Variants in RFWD3 observed in about 807,000 individuals in gnomAD.
RFWD3 encodes the protein E3 ubiquitin-protein ligase RFWD3.
Under a neutral mutation model 87.7 loss-of-function variants are expected in RFWD3, and 65 were observed. The observed-to-expected ratio is 0.74, with a 90% CI of 0.61 to 0.91. The LOEUF (loss-of-function observed/expected upper bound fraction) is 0.91. RFWD3 is among the 40% of genes least tolerant of loss of function. RFWD3 has a pLI of 0.00. For missense variants in RFWD3, 1,078 were observed against 938.5 expected (o/e 1.15, Z -1.94); for synonymous variants, 433 against 352.8 (o/e 1.23, Z -2.55).
chr16:74,637,498 G>A (rs955611739), intron 7 of RFWD3, among the ~76,000 whole-genome samples: 4 of 151,974 alleles, frequency 2.6e-5, no homozygotes, highest in African/African-American at 9.7e-5. Context: ...ATGGTGGTGG[G>A]CTCCTGTAAT....
chr16:74,639,724 T>C lies in RFWD3; in HGVS notation c.1080-1754A>G, dbSNP rs1460293941. Among the ~76,000 whole-genome samples the C allele has an allele frequency of 2.0e-5, 3 of 152,236 alleles. No individual in the cohort carries two copies. In the East Asian group the frequency reaches 5.8e-4, roughly 29 times the overall value. ...AACAATGCCAAAAATAGCAAAAAAA[T>C]ACTTTTGCAGAACAAAATGGGGGAA... On this transcript the variant is annotated intron_variant, in intron 6 of 12. Transcript: ENST00000361070.
At chr16:74,641,880 T>A (rs1038593132) in intron 6 of RFWD3, among the ~76,000 whole-genome samples, 2 of 123,680 alleles carry the variant, frequency 1.6e-5, no homozygotes, top group East Asian at 4.6e-4. Flanking sequence ...TGAGCCAAGA[T>A]TGCACCATTG....
chr16:74,629,762 C>G (rs2144051272), intron 10 of RFWD3, among the ~76,000 whole-genome samples: 1 of 151,896 alleles, frequency 6.6e-6, no homozygotes, highest in South Asian at 2.1e-4. Context: ...ATGTTTGGCT[C>G]TCCTTGCTCT....
At chr16:74,656,908 G>T (rs922201150) in intron 2 of RFWD3, among the ~76,000 whole-genome samples, 1 of 152,220 alleles carries the variant, frequency 6.6e-6, no homozygotes, top group African/African-American at 2.4e-5. Context: ...AGTAACTGCA[G>T]ATGTGCTAGA....
In RFWD3 at chr16:74,660,965, C is replaced by T; in HGVS notation, c.485G>A (p.Arg162Lys). The change falls in exon 2 of 13, where the codon AGA becomes AAA. Residue 162 changes from arginine (R) to lysine (K), a missense_variant. Transcript: ENST00000361070. ...GTCTGTCCTCTGAGACCCTCCGGCT[C>T]TTGCCCTCCGTGAAGCAGATACCCT... ...RRRVSASRRARAGGSQRTDSA... is the reference protein window; with the variant it reads ...RRRVSASRRAKAGGSQRTDSA... The T allele has an allele frequency of 6.2e-7, 1 of 1,614,102 alleles. No homozygotes were observed. Among genetic ancestry groups the T allele is most frequent in the Non-Finnish European group, 8.5e-7 (1 of 1,179,964 alleles).
chr16:74,640,916 G>A (rs781526832), intron 6 of RFWD3, among the ~76,000 whole-genome samples: 2 of 152,132 alleles, frequency 1.3e-5, no homozygotes, highest in African/African-American at 2.4e-5. Flanking sequence ...TCCAGCCTGG[G>A]CGACAGAGCG....
At chr16:74,643,453 A>C (rs1959827745) in intron 6 of RFWD3, among the ~76,000 whole-genome samples, 1 of 152,138 alleles carries the variant, frequency 6.6e-6, no homozygotes, top group Non-Finnish European at 1.5e-5. Context: ...CATTAAGTAA[A>C]TCTTGGTACA....
At chr16:74,634,378 T>A (rs1597418900) in intron 8 of RFWD3, among the ~76,000 whole-genome samples, 1 of 147,724 alleles carries the variant, frequency 6.8e-6, no homozygotes, top group East Asian at 2.0e-4. Flanking sequence ...ACTAAGTACT[T>A]TATATATATA....
chr16:74,641,804 T>C (rs989418881), intron 6 of RFWD3, among the ~76,000 whole-genome samples: 1 of 151,382 alleles, frequency 6.6e-6, no homozygotes, highest in East Asian at 2.0e-4. Context: ...AAGGCGCCTG[T>C]AATCCCGGCT....
intron 2 of RFWD3, among the ~76,000 whole-genome samples, chr16:74,652,967 C>T (rs972389339): frequency 6.6e-6 from 1 of 152,154 alleles, no homozygotes; most frequent in Non-Finnish European, 1.5e-5. Context: ...AGGCATGAGC[C>T]ACCACACCCA....
chr16:74,660,251 CAG>C (rs1961317739), intron 2 of RFWD3, among the ~76,000 whole-genome samples: 1 of 152,202 alleles, frequency 6.6e-6, no homozygotes, highest in Non-Finnish European at 1.5e-5. Flanking sequence ...GCCTGGGCGA[CAG>C]AGTGAGACTC....
At chr16:74,627,296 C>T (rs1958967066) in intron 11 of RFWD3, among the ~76,000 whole-genome samples, 1 of 152,172 alleles carries the variant, frequency 6.6e-6, no homozygotes, top group African/African-American at 2.4e-5. Context: ...GTTTTTAGGG[C>T]TAGCATAAAT....
At position 74,622,546 on chromosome 16, in the gene RFWD3, G is replaced by A. The variant is rs1370010785; in HGVS notation, c.*1382C>T. The A allele has an allele frequency of 6.6e-6, 1 of 152,208 alleles. No homozygotes were observed. Among genetic ancestry groups the A allele is most frequent in the Non-Finnish European group, 1.5e-5 (1 of 68,032 alleles). The allele number at this position is 152,208 out of a possible 1,614,324, so 9.4% of individuals were successfully genotyped here. On this transcript the variant is annotated 3_prime_UTR_variant, in exon 13 of 13. Transcript: ENST00000361070. ...CACAACTAGAACTTGGAACTCTGGGGAAATCTAGTGCAACAACCCCTTGCC... is the reference window on the plus strand; with the variant it reads ...CACAACTAGAACTTGGAACTCTGGGAAAATCTAGTGCAACAACCCCTTGCC...
Position 74,630,960 on chromosome 16 carries a change from G to A in RFWD3, c.1578-3C>T. 1.3e-6 allele frequency: 2 copies of A among 1,597,046 alleles called. No individual in the cohort carries two copies. Among genetic ancestry groups the A allele is most frequent in the East Asian group, 4.5e-5 (2 of 44,686 alleles). Reference sequence around the variant, plus strand: ...GGACCACGGTATTTGTCTCCAGGCTGTGGAGTTACAAAAGACTTTTACAAC... The same window carrying A: ...GGACCACGGTATTTGTCTCCAGGCTATGGAGTTACAAAAGACTTTTACAAC... On this transcript the variant is annotated splice_region_variant and splice_polypyrimidine_tract_variant and intron_variant, in intron 9 of 12. Transcript: ENST00000361070.
At chr16:74,660,896 AG>A in intron 2 of RFWD3, 35 bp downstream of exon 2, 1 of 1,571,488 alleles carries the variant, frequency 6.4e-7, no homozygotes. Context: ...TTTCTAGTAC[AG>A]CAATGATCAC....
chr16:74,628,792 C>T lies in RFWD3; in HGVS notation c.1755-126G>A, dbSNP rs1041749335. The T allele has an allele frequency of 4.3e-6, 3 of 698,866 alleles. No individual in the cohort carries two copies. In the African/African-American group the frequency reaches 5.4e-5, roughly 13 times the overall value. 43.3% of individuals were successfully genotyped at this position (698,866 alleles called of 1,614,324 possible). On this transcript the variant is annotated intron_variant, in intron 10 of 12. Transcript: ENST00000361070. ...GTTAAACGCCTTTAGTCACTATCCTCTGATATCTGATAAAAATTATCAACC... is the reference window on the plus strand; with the variant it reads ...GTTAAACGCCTTTAGTCACTATCCTTTGATATCTGATAAAAATTATCAACC...
At chr16:74,656,670 T>C (rs1961012898) in intron 2 of RFWD3, among the ~76,000 whole-genome samples, 1 of 152,050 alleles carries the variant, frequency 6.6e-6, no homozygotes, top group African/African-American at 2.4e-5. Context: ...GTTGGCCAGG[T>C]TGGTCTTGAA....
At chr16:74,648,437 AAGCCACCGTGCCC>A (rs1465151850) in intron 4 of RFWD3, among the ~76,000 whole-genome samples, 1 of 148,990 alleles carries the variant, frequency 6.7e-6, no homozygotes, top group East Asian at 2.1e-4. Flanking sequence ...TTACAGGTGT[AAGCCACCGTGCCC>A]AGCCAAAAAC....
intron 2 of RFWD3, among the ~76,000 whole-genome samples, chr16:74,659,371 T>C (rs1961250332): frequency 6.6e-6 from 1 of 152,126 alleles, no homozygotes; most frequent in Non-Finnish European, 1.5e-5. Context: ...TAAGGTGCCT[T>C]CACCTATAAC....
Sources: allele counts gnomAD v4.1 joint callset (sites outside exome capture counted in the v4.1 genomes callset), GRCh38; gene constraint gnomAD v4.1.1; transcripts MANE v1.5; gene names NCBI Gene and HGNC (gene_info 2026-07-23, HGNC 2026-07-21).